The following HHAT variants were observed in gnomAD, a reference collection of about 807,000 sequenced individuals.
HHAT encodes hedgehog acyltransferase.
HHAT carries 47 observed loss-of-function variants against 70.8 expected under a neutral mutation model. The observed-to-expected ratio is 0.66, with a 90% CI of 0.53 to 0.85. The LOEUF (loss-of-function observed/expected upper bound fraction) is 0.85. Ranked by LOEUF, HHAT falls within the 40% of genes least tolerant of loss-of-function variation. The pLI is 0.00. For synonymous variants in HHAT, 228 were observed against 247.6 expected (o/e 0.92, Z 0.74); for missense variants, 609 against 604.8 (o/e 1.01, Z -0.07).
chr1:210,347,192 C>T (rs1571765493), intron 1 of HHAT, among the ~76,000 whole-genome samples: 1 of 152,222 alleles, frequency 6.6e-6, no homozygotes, highest in Non-Finnish European at 1.5e-5. Context: ...CCCTGGCAAC[C>T]ACTTCTGTGA....
At chr1:210,452,565 C>T (rs759248038) in intron 7 of HHAT, among the ~76,000 whole-genome samples, 1 of 152,152 alleles carries the variant, frequency 6.6e-6, no homozygotes. Flanking sequence ...GGTAGTATCT[C>T]TAAAAGATAA....
At chr1:210,654,748 G>C (rs961806649) in intron 11 of HHAT, among the ~76,000 whole-genome samples, 7 of 152,202 alleles carry the variant, frequency 4.6e-5, no homozygotes, top group Non-Finnish European at 7.3e-5. Context: ...AATGAGTACA[G>C]TGCAGCCCCT....
chr1:210,384,759 G>C (rs1179337440), intron 3 of HHAT, among the ~76,000 whole-genome samples: 1 of 152,212 alleles, frequency 6.6e-6, no homozygotes, highest in Non-Finnish European at 1.5e-5. Flanking sequence ...GACAGATCAT[G>C]ATGTTGTTCC....
intron 4 of HHAT, among the ~76,000 whole-genome samples, chr1:210,391,048 T>A (rs2091427515): frequency 1.3e-5 from 2 of 152,228 alleles, no homozygotes; most frequent in Non-Finnish European, 2.9e-5. Flanking sequence ...ATGGTAGTTT[T>A]ACTTTTAGTT....
Position 210,464,475 on chromosome 1 carries a change from A to T in HHAT, c.857-30A>T, listed in dbSNP as rs760703067. The T allele has an allele frequency of 8.1e-6, 13 of 1,613,752 alleles. No individual in the cohort carries two copies. The South Asian group carries it at 1.3e-4, about 16-fold the overall frequency. Reference sequence around the variant, plus strand: ...CAGGAAACTGCTGTGATTCTCTTCCATGTGTCTGACTGGTCTGTTTGCCTT... The same window carrying T: ...CAGGAAACTGCTGTGATTCTCTTCCTTGTGTCTGACTGGTCTGTTTGCCTT... On this transcript the variant is annotated intron_variant, in intron 7 of 11. Coordinates refer to ENST00000261458, the MANE Select transcript of HHAT (RefSeq NM_018194.6).
chr1:210,567,528 C>G (rs1394478568), intron 9 of HHAT, among the ~76,000 whole-genome samples: 1 of 152,196 alleles, frequency 6.6e-6, no homozygotes, highest in Non-Finnish European at 1.5e-5. Context: ...AAATATTTAA[C>G]TCAATGGAAA....
intron 10 of HHAT, among the ~76,000 whole-genome samples, chr1:210,613,363 C>G (rs994296107): frequency 3.3e-5 from 5 of 152,172 alleles, no homozygotes; most frequent in African/African-American, 1.2e-4. Flanking sequence ...AAAGACTGTT[C>G]TTTCCTCATT....
At chr1:210,661,962 A>T (rs1254618729) in intron 11 of HHAT, among the ~76,000 whole-genome samples, 1 of 152,216 alleles carries the variant, frequency 6.6e-6, no homozygotes, top group Non-Finnish European at 1.5e-5. Flanking sequence ...GTGCACAGGT[A>T]CTGTAGAACT....
At chr1:210,565,082 A>G (rs1277243796) in intron 9 of HHAT, among the ~76,000 whole-genome samples, 1 of 152,198 alleles carries the variant, frequency 6.6e-6, no homozygotes, top group Non-Finnish European at 1.5e-5. Context: ...GGGAAGGGGA[A>G]GCATGGTTCC....
At chr1:210,654,757 C>T (rs1227954184) in intron 11 of HHAT, among the ~76,000 whole-genome samples, 1 of 152,180 alleles carries the variant, frequency 6.6e-6, no homozygotes, top group Admixed American at 6.5e-5. Context: ...AGTGCAGCCC[C>T]TAGGAAGGAG....
At chr1:210,460,669 T>C (rs1181875598) in intron 7 of HHAT, among the ~76,000 whole-genome samples, 1 of 152,172 alleles carries the variant, frequency 6.6e-6, no homozygotes, top group African/African-American at 2.4e-5. Flanking sequence ...AATAACTGTA[T>C]GTTAAGTGAA....
chr1:210,448,477 G>T (rs2093681052), intron 7 of HHAT, among the ~76,000 whole-genome samples: 1 of 152,138 alleles, frequency 6.6e-6, no homozygotes. Context: ...ACTAGAAGGG[G>T]CCAGGAGGTG....
chr1:210,563,195 G>T (rs1369376850), intron 9 of HHAT, among the ~76,000 whole-genome samples: 1 of 152,156 alleles, frequency 6.6e-6, no homozygotes, highest in African/African-American at 2.4e-5. Flanking sequence ...GAAGGGTACT[G>T]GGCATGTGGG....
intron 9 of HHAT, among the ~76,000 whole-genome samples, chr1:210,580,888 G>A (rs778002521): frequency 6.6e-6 from 1 of 152,126 alleles, no homozygotes; most frequent in Non-Finnish European, 1.5e-5. Flanking sequence ...CTAGATCCTC[G>A]AAGAATTGCC....
intron 9 of HHAT, among the ~76,000 whole-genome samples, chr1:210,575,712 C>G (rs997239225): frequency 6.6e-6 from 1 of 152,146 alleles, no homozygotes; most frequent in Non-Finnish European, 1.5e-5. Flanking sequence ...TTTGCAGTCT[C>G]TGGTGTGAAG....
intron 9 of HHAT, among the ~76,000 whole-genome samples, chr1:210,566,135 C>G (rs1654683927): frequency 6.6e-6 from 1 of 152,186 alleles, no homozygotes; most frequent in South Asian, 2.1e-4. Context: ...GGTTCACAAA[C>G]ATGACCCTGA....
Position 210,466,869 on chromosome 1 carries a change from G to A in HHAT, c.1007+2214G>A, listed in dbSNP as rs189499643. The stretch of plus-strand genomic sequence containing the variant: ...TTTGTCACTGTCTTGATTAGAACTA[G>A]ACTCATATAGTTGAGACCCCAGGCT... On this transcript the variant is annotated intron_variant, in intron 8 of 11. Coordinates refer to ENST00000261458, the MANE Select transcript of HHAT (RefSeq NM_018194.6). Among the ~76,000 whole-genome samples, 10 of 152,202 alleles carry A rather than the reference G, an allele frequency of 6.6e-5. No individual in the cohort carries two copies. In the East Asian group the frequency reaches 1.9e-3, roughly 29 times the overall value.
At chr1:210,657,276 G>A (rs572621413) in intron 11 of HHAT, among the ~76,000 whole-genome samples, 3 of 152,168 alleles carry the variant, frequency 2.0e-5, no homozygotes, top group Non-Finnish European at 4.4e-5. Context: ...GTCCACTCCT[G>A]GATGAAGAGC....
intron 9 of HHAT, among the ~76,000 whole-genome samples, chr1:210,520,073 T>A (rs1191232988): frequency 6.6e-6 from 1 of 152,128 alleles, no homozygotes; most frequent in African/African-American, 2.4e-5. Context: ...TGGAGTGCAA[T>A]GGCGTGATCT....
Sources: gnomAD v4.1 joint callset for allele counts (sites outside exome capture counted in the v4.1 genomes callset) on GRCh38, gnomAD v4.1.1 for gene constraint, MANE v1.5 for transcripts, NCBI Gene and HGNC (gene_info 2026-07-23, HGNC 2026-07-21) for gene names.